Variants in EYS observed in about 807,000 individuals in gnomAD.
The protein encoded by EYS is EGF-like photoreceptor maintenance factor, also known as protein eyes shut homolog.
In EYS, 250 loss-of-function variants were observed where a neutral mutation model predicts 282.1. The ratio of observed to expected loss-of-function variants is 0.89; its 90% confidence interval spans 0.80 to 0.98. EYS has a LOEUF of 0.98. Ranked by LOEUF, EYS falls within the 50% of genes least tolerant of loss-of-function variation. The probability of loss-of-function intolerance (pLI) is 0.00; values close to 1 mark genes in which losing one functional copy is unlikely to be tolerated. For missense variants in EYS, 4,016 were observed against 3,709.0 expected, an observed-to-expected ratio of 1.08 and a Z score of -2.15; for synonymous variants, 1,355 against 1,282.9, an observed-to-expected ratio of 1.06 and a Z score of -1.20.
chr6:63,873,879 A>C (rs1164163390), intron 35 of EYS, among the ~76,000 whole-genome samples: 1 of 151,650 alleles, frequency 6.6e-6, no homozygotes, highest in Non-Finnish European at 1.5e-5. Flanking sequence ...AGTTCTTTGT[A>C]GATTCTGGAT....
chr6:64,512,236 A>G (rs1278357946), intron 26 of EYS, among the ~76,000 whole-genome samples: 4 of 152,092 alleles, frequency 2.6e-5, no homozygotes, highest in Non-Finnish European at 1.5e-5. Flanking sequence ...TTTATAATAA[A>G]ATTCTGAAGA....
At chr6:65,691,206 A>G (rs1769229064) in intron 1 of EYS, among the ~76,000 whole-genome samples, 1 of 150,294 alleles carries the variant, frequency 6.7e-6, no homozygotes, top group Admixed American at 6.7e-5. Context: ...CAACAGTGTA[A>G]AAGTGTTCCT....
chr6:65,111,596 C>T (rs147436133), intron 12 of EYS, among the ~76,000 whole-genome samples: 2 of 152,226 alleles, frequency 1.3e-5, no homozygotes, highest in African/African-American at 4.8e-5. Context: ...GCCTGTAATC[C>T]CTCCCTATTG....
intron 2 of EYS, among the ~76,000 whole-genome samples, chr6:65,597,131 T>A (rs1054325226): frequency 2.0e-5 from 3 of 152,124 alleles, no homozygotes; most frequent in Admixed American, 6.6e-5. Context: ...ATAATATTTT[T>A]AAAAATGATT....
chr6:64,289,470 T>C (rs967172049), intron 30 of EYS, among the ~76,000 whole-genome samples: 4 of 152,062 alleles, frequency 2.6e-5, no homozygotes, highest in African/African-American at 9.7e-5. Flanking sequence ...GCAGGAGTTC[T>C]CATCCTATGA....
rs115514268 is a variant in EYS, at chr6:63,907,549, G to T, written c.7056-43191C>A. Among the ~76,000 whole-genome samples, 940 of 152,192 alleles carry T rather than the reference G, an allele frequency of 6.2e-3. 14 individuals are homozygous for T. The highest frequency in any genetic ancestry group is 0.022 in the African/African-American group (911 of 41,502). ...ACCCATAGATATAGCCCTTTTCTGT[G>T]TTCCTCTTTACGACAGTCCAAATAT... On this transcript the variant is annotated intron_variant, in intron 35 of 42. Transcript: ENST00000503581.
intron 31 of EYS, among the ~76,000 whole-genome samples, chr6:64,151,396 C>T (rs1407597749): frequency 1.5e-5 from 2 of 136,462 alleles, no homozygotes; most frequent in Non-Finnish European, 3.1e-5. Flanking sequence ...GAGTCTCGCT[C>T]TGTCACCAGG....
At position 64,598,440 on chromosome 6, in the gene EYS, G is replaced by A. The variant is rs576741288; in HGVS notation, c.3685-5131C>T. ...TGCGCCACTGCACTCCAGGCTGGGC[G>A]ACAGTGCGAGACTCCGTCTCAAAAA... On this transcript the variant is annotated intron_variant, in intron 24 of 42. Coordinates refer to ENST00000503581, the MANE Select transcript of EYS (RefSeq NM_001142800.2). Among the ~76,000 whole-genome samples, 4 of 152,320 alleles carry A rather than the reference G, an allele frequency of 2.6e-5. No homozygotes were observed. The South Asian group carries it at 6.2e-4, about 24-fold the overall frequency.
chr6:64,656,947 TATTAAG>T (rs1055653465), intron 22 of EYS, among the ~76,000 whole-genome samples: 1 of 152,174 alleles, frequency 6.6e-6, no homozygotes. Context: ...TATTTGCATC[TATTAAG>T]ATTATCAGTC....
chr6:64,709,029 C>G (rs1035025908), intron 22 of EYS, among the ~76,000 whole-genome samples: 36 of 152,080 alleles, frequency 2.4e-4, no homozygotes, highest in African/African-American at 7.7e-4. Flanking sequence ...TACACACACA[C>G]ACACACACAG....
At chr6:64,625,292 G>T (rs1767570457) in intron 23 of EYS, among the ~76,000 whole-genome samples, 1 of 152,128 alleles carries the variant, frequency 6.6e-6, no homozygotes, top group African/African-American at 2.4e-5. Context: ...GGTAGAGATG[G>T]CCAAAAAGAC....
At chr6:65,504,304 G>A (rs1342515109) in intron 2 of EYS, among the ~76,000 whole-genome samples, 1 of 151,488 alleles carries the variant, frequency 6.6e-6, no homozygotes, top group Non-Finnish European at 1.5e-5. Context: ...ATTTTATCCT[G>A]GACCCATGCT....
intron 12 of EYS, among the ~76,000 whole-genome samples, chr6:65,255,083 C>T (rs145739614): frequency 4.0e-4 from 60 of 151,826 alleles, no homozygotes; most frequent in African/African-American, 1.4e-3. Flanking sequence ...CCATCCTGAG[C>T]AAAAAGAACA....
chr6:65,667,102 C>T (rs1189262585), intron 1 of EYS, among the ~76,000 whole-genome samples: 3 of 151,654 alleles, frequency 2.0e-5, no homozygotes, highest in Non-Finnish European at 3.0e-5. Context: ...AAAATGCAAA[C>T]ACAGAATTAA....
At chr6:64,251,536 T>C (rs945904478) in intron 30 of EYS, among the ~76,000 whole-genome samples, 6 of 152,154 alleles carry the variant, frequency 3.9e-5, no homozygotes, top group African/African-American at 1.4e-4. Context: ...GAGATAATTA[T>C]AAACTAATTA....
At chr6:64,141,511 T>TA (rs1026418307) in intron 31 of EYS, among the ~76,000 whole-genome samples, 1 of 151,908 alleles carries the variant, frequency 6.6e-6, no homozygotes, top group African/African-American at 2.4e-5. Flanking sequence ...CCTCTTTTTT[T>TA]ATTTTTATTT....
intron 26 of EYS, among the ~76,000 whole-genome samples, chr6:64,546,516 C>T (rs1764874504): frequency 6.6e-6 from 1 of 152,180 alleles, no homozygotes; most frequent in African/African-American, 2.4e-5. Context: ...CCAAAATTGA[C>T]AAATGGGATC....
intron 22 of EYS, among the ~76,000 whole-genome samples, chr6:64,647,645 TA>T (rs2149875785): frequency 6.6e-6 from 1 of 152,286 alleles, no homozygotes; most frequent in African/African-American, 2.4e-5. Context: ...AATATTCTGA[TA>T]ATGAACATAC....
intron 12 of EYS, among the ~76,000 whole-genome samples, chr6:65,106,669 G>A (rs996139724): frequency 6.6e-6 from 1 of 151,862 alleles, no homozygotes; most frequent in Non-Finnish European, 1.5e-5. Flanking sequence ...TTTGAAATTG[G>A]CTTTTTAAAA....
Sources: gnomAD v4.1 joint callset for allele counts (sites outside exome capture counted in the v4.1 genomes callset) on GRCh38, gnomAD v4.1.1 for gene constraint, MANE v1.5 for transcripts, NCBI Gene and HGNC (gene_info 2026-07-23, HGNC 2026-07-21) for gene names.